Variants in AOAH observed in about 807,000 individuals in gnomAD.
AOAH encodes acyloxyacyl hydrolase (neutrophil).
AOAH carries 64 observed loss-of-function variants against 92.2 expected under a neutral mutation model. The observed-to-expected ratio is 0.69, with a 90% CI of 0.57 to 0.86. The LOEUF is 0.86. Ranked by LOEUF, AOAH falls within the 40% of genes least tolerant of loss-of-function variation. The pLI is 0.00. For missense variants in AOAH, 656 were observed against 694.6 expected (o/e 0.94, Z 0.62); for synonymous variants, 263 against 254.5 (o/e 1.03, Z -0.32).
intron 10 of AOAH, among the ~76,000 whole-genome samples, chr7:36,617,613 A>G (rs1791994713): frequency 6.6e-6 from 1 of 152,220 alleles, no homozygotes; most frequent in Non-Finnish European, 1.5e-5. Context: ...TGAATGAATG[A>G]GGTGATTGTG....
At chr7:36,647,837 CTTT>C (rs200177551) in intron 4 of AOAH, among the ~76,000 whole-genome samples, 3 of 145,266 alleles carry the variant, frequency 2.1e-5, no homozygotes. Context: ...CCTTAGAGTT[CTTT>C]TTTTTTTTTT....
At chr7:36,634,572 A>C (rs969569403) in intron 5 of AOAH, among the ~76,000 whole-genome samples, 1 of 152,124 alleles carries the variant, frequency 6.6e-6, no homozygotes, top group Non-Finnish European at 1.5e-5. Context: ...CCCCTGGCCG[A>C]ATAAATCCCT....
rs143017098 is a variant in AOAH at position 36,682,990 on chromosome 7, T to C, written c.223+3709A>G. On this transcript the variant is annotated intron_variant, in intron 2 of 20. Transcript: ENST00000617537. ...TTGAAATCACATTGAGAGAGCACAC[T>C]GCATGCCTGAGAACATCAATACACA... Among the ~76,000 whole-genome samples, 231 of 152,286 alleles carry C rather than the reference T, an allele frequency of 1.5e-3. 4 individuals are homozygous for C. The East Asian group carries it at 0.04, about 26-fold the overall frequency.
At chr7:36,693,965 AG>A (rs1333149653) in intron 1 of AOAH, among the ~76,000 whole-genome samples, 1 of 152,218 alleles carries the variant, frequency 6.6e-6, no homozygotes, top group Non-Finnish European at 1.5e-5. Context: ...ACTTCTTCTG[AG>A]GTAAATGCCA....
At chr7:36,583,603 G>A (rs1789096094) in intron 12 of AOAH, among the ~76,000 whole-genome samples, 1 of 152,180 alleles carries the variant, frequency 6.6e-6, no homozygotes, top group Non-Finnish European at 1.5e-5. Context: ...GATGGCTACA[G>A]AGGAGGTCCT....
chr7:36,540,244 G>C (rs1785330197), intron 16 of AOAH, 75 bp downstream of exon 16: 3 of 1,353,832 alleles, frequency 2.2e-6, no homozygotes, highest in Non-Finnish European at 3.0e-6. Flanking sequence ...ATTTCTATAT[G>C]GTTTGAACCA....
chr7:36,548,587 A>C (rs1228798367), intron 15 of AOAH, 25 bp downstream of exon 15: 7 of 1,603,016 alleles, frequency 4.4e-6, no homozygotes, highest in African/African-American at 1.3e-5. Context: ...AAGAATCTTG[A>C]AAATACTTTT....
chr7:36,607,572 C>A (rs1032310683), intron 11 of AOAH, among the ~76,000 whole-genome samples: 14 of 152,308 alleles, frequency 9.2e-5, no homozygotes, highest in African/African-American at 3.4e-4. Flanking sequence ...AAATCCAGAC[C>A]AGCCCAATTA....
chr7:36,515,765 C>T (rs995259950), intron 20 of AOAH, among the ~76,000 whole-genome samples: 11 of 136,598 alleles, frequency 8.1e-5, no homozygotes, highest in Admixed American at 2.9e-4. Flanking sequence ...TTCACAACCC[C>T]GCACCTCACA....
intron 9 of AOAH, among the ~76,000 whole-genome samples, chr7:36,619,857 T>C (rs971155416): frequency 6.6e-6 from 1 of 152,238 alleles, no homozygotes; most frequent in African/African-American, 2.4e-5. Flanking sequence ...GTGAAAATAA[T>C]TGCAGTTTTT....
intron 19 of AOAH, among the ~76,000 whole-genome samples, chr7:36,525,176 T>G (rs1265782493): frequency 2.0e-5 from 3 of 152,212 alleles, no homozygotes; most frequent in African/African-American, 7.2e-5. Context: ...TCTCCATGTT[T>G]GCAAAGAGAG....
At chr7:36,639,723 G>T (rs1327215457) in intron 4 of AOAH, among the ~76,000 whole-genome samples, 1 of 152,178 alleles carries the variant, frequency 6.6e-6, no homozygotes, top group East Asian at 1.9e-4. Context: ...GTTTCTTGTT[G>T]AAGAAAATGA....
rs150398051 is a variant in AOAH at position 36,667,867 on chromosome 7, G to A, written c.290+6076C>T. Among the ~76,000 whole-genome samples the A allele has an allele frequency of 1.1e-3, 174 of 152,174 alleles. 2 individuals carry two copies. Among genetic ancestry groups the A allele is most frequent in the African/African-American group, 4.1e-3 (170 of 41,506 alleles). ...GTATGTTCTGTTTCAAATTAACATG[G>A]CTGCTCTTTCTTTTGATTAATGCTA... On this transcript the variant is annotated intron_variant, in intron 3 of 20. Coordinates refer to ENST00000617537, the MANE Select transcript of AOAH (RefSeq NM_001637.4).
chr7:36,717,727 A>ATTTTTTTTTTT (rs10624883), intron 1 of AOAH, among the ~76,000 whole-genome samples: 2 of 122,772 alleles, frequency 1.6e-5, no homozygotes, highest in South Asian at 2.6e-4. Flanking sequence ...TTCTCTTCTT[A>ATTTTTTTTTTT]TTTTTTTTTT....
chr7:36,693,876 T>C (rs971727999), intron 1 of AOAH, among the ~76,000 whole-genome samples: 3 of 152,180 alleles, frequency 2.0e-5, no homozygotes, highest in Admixed American at 6.5e-5. Context: ...AACACGTAAG[T>C]ACTGAGAAAC....
At chr7:36,583,588 G>A (rs1005585347) in intron 12 of AOAH, among the ~76,000 whole-genome samples, 2 of 152,166 alleles carry the variant, frequency 1.3e-5, no homozygotes, top group South Asian at 2.1e-4. Context: ...TTATGCAGAG[G>A]TGAGGATGGC....
chr7:36,580,080 G>C (rs1466915757), intron 12 of AOAH, among the ~76,000 whole-genome samples: 1 of 152,196 alleles, frequency 6.6e-6, no homozygotes, highest in Non-Finnish European at 1.5e-5. Flanking sequence ...GTCTTGGTGT[G>C]TGTCTGATTT....
chr7:36,567,013 T>C lies in AOAH; in HGVS notation c.1021+9561A>G, dbSNP rs180994090. Among the ~76,000 whole-genome samples, 5 of 152,266 alleles carry C rather than the reference T, an allele frequency of 3.3e-5. No individual in the cohort carries two copies. In the East Asian group the frequency reaches 9.6e-4, roughly 29 times the overall value. On this transcript the variant is annotated intron_variant, in intron 13 of 20. Coordinates refer to ENST00000617537, the MANE Select transcript of AOAH (RefSeq NM_001637.4). ...TTTTAGTACAGACGGGGCTTCACCA[T>C]GTTGGCCAGGGTGGTCTTGAACTCC...
At chr7:36,616,741 T>C (rs189274269) in intron 10 of AOAH, among the ~76,000 whole-genome samples, 3 of 152,318 alleles carry the variant, frequency 2.0e-5, no homozygotes, top group Non-Finnish European at 4.4e-5. Context: ...GAGTGAATGA[T>C]GGATGAATAA....
Sources: gnomAD v4.1 joint callset for allele counts (sites outside exome capture counted in the v4.1 genomes callset) on GRCh38, gnomAD v4.1.1 for gene constraint, MANE v1.5 for transcripts, NCBI Gene and HGNC (gene_info 2026-07-23, HGNC 2026-07-21) for gene names.